Variants in FAM20B observed in about 807,000 individuals in gnomAD.
The protein encoded by FAM20B is glycosaminoglycan xylosylkinase.
Under a neutral mutation model 43.8 loss-of-function variants are expected in FAM20B, and 23 were observed. That is an observed-to-expected ratio of 0.53 (90% CI 0.38 to 0.74). The LOEUF (loss-of-function observed/expected upper bound fraction) is 0.74. Among genes scored for constraint, FAM20B ranks in the 30% least tolerant of loss-of-function variants. The probability of loss-of-function intolerance (pLI) is 0.00; values close to 1 mark genes in which losing one functional copy is unlikely to be tolerated. For missense variants in FAM20B, 440 were observed against 510.5 expected (o/e 0.86, Z 1.33); for synonymous variants, 178 against 192.4 (o/e 0.93, Z 0.62).
chr1:179,056,791 C>T (rs558617769), intron 4 of FAM20B, among the ~76,000 whole-genome samples: 1 of 152,214 alleles, frequency 6.6e-6, no homozygotes, highest in Non-Finnish European at 1.5e-5. Context: ...TCCTTGGCAG[C>T]ATTTGATGTT....
intron 2 of FAM20B, among the ~76,000 whole-genome samples, chr1:179,046,902 A>G (rs1186783751): frequency 3.9e-5 from 6 of 151,994 alleles, no homozygotes; most frequent in African/African-American, 1.5e-4. Context: ...AGGCTGAGGC[A>G]GGAGAATCGC....
upstream of FAM20B, among the ~76,000 whole-genome samples, chr1:179,021,559 A>G (rs968370807): frequency 3.9e-5 from 6 of 152,220 alleles, no homozygotes; most frequent in Non-Finnish European, 8.8e-5. Context: ...GGGTAGTTAA[A>G]CAAATTTCTA....
intron 3 of FAM20B, among the ~76,000 whole-genome samples, chr1:179,054,287 A>G (rs974734235): frequency 6.6e-6 from 1 of 152,154 alleles, no homozygotes; most frequent in Non-Finnish European, 1.5e-5. Context: ...CACTCTGTAG[A>G]TTTAAAAAGT....
intron 4 of FAM20B, among the ~76,000 whole-genome samples, chr1:179,063,611 AAAAC>A (rs946952739): frequency 5.3e-5 from 8 of 152,170 alleles, no homozygotes; most frequent in African/African-American, 1.2e-4. Flanking sequence ...CAACAAAAAC[AAAAC>A]AAACAAAAAG....
intron 3 of FAM20B, among the ~76,000 whole-genome samples, chr1:179,053,980 T>C (rs1651112202): frequency 6.6e-6 from 1 of 152,302 alleles, no homozygotes; most frequent in Non-Finnish European, 1.5e-5. Context: ...TTGGTGTATA[T>C]TTTTTAGCCA....
At position 179,074,185 on chromosome 1, in the gene FAM20B, A is replaced by G. The variant is rs1652045223; in HGVS notation, c.*2041A>G. On this transcript the variant is annotated 3_prime_UTR_variant, in exon 8 of 8. Coordinates refer to ENST00000263733, the MANE Select transcript of FAM20B (RefSeq NM_014864.4). ...TATACATTTTGAGATGAACAGAACA[A>G]TGGGCTGAGTTATAAAAAGCGTGTA... 6.6e-6 allele frequency: 1 copy of G among 152,558 alleles called. No individual in the cohort carries two copies. 9.5% of individuals were successfully genotyped at this position (152,558 alleles called of 1,614,324 possible). A position where few individuals can be genotyped will look rare whatever the true frequency, so the allele number is the denominator to read the frequency against.
At chr1:179,066,700 A>G in intron 6 of FAM20B, 100 bp from the exon 7 acceptor site, 1 of 797,852 alleles carries the variant, frequency 1.3e-6, no homozygotes, top group Non-Finnish European at 2.1e-6. Context: ...GAAATTATCT[A>G]GGATCACATT....
rs1651991117 is a variant in FAM20B, at chr1:179,072,975, T to C, written c.*831T>C. ...AAATACTATTACAATCTAAGCATGA[T>C]TCTCTGTGGAGACTAATTTTTTCCC... On this transcript the variant is annotated 3_prime_UTR_variant, in exon 8 of 8. Coordinates refer to ENST00000263733, the MANE Select transcript of FAM20B (RefSeq NM_014864.4). The C allele has an allele frequency of 6.6e-6, 1 of 152,252 alleles. No individual in the cohort carries two copies. The highest frequency in any genetic ancestry group is 6.5e-5 in the Admixed American group (1 of 15,288). The allele number at this position is 152,252 out of a possible 1,614,324, so 9.4% of individuals were successfully genotyped here.
intron 1 of FAM20B, among the ~76,000 whole-genome samples, chr1:179,041,252 G>T (rs1445216233): frequency 6.6e-6 from 1 of 152,262 alleles, no homozygotes; most frequent in East Asian, 1.9e-4. Context: ...CCCAGACGGG[G>T]TGGCGGCCGA....
intron 3 of FAM20B, among the ~76,000 whole-genome samples, chr1:179,051,070 C>T (rs534832209): frequency 1.2e-4 from 18 of 151,104 alleles, no homozygotes; most frequent in Non-Finnish European, 2.1e-4. Flanking sequence ...TGCAGTGAGC[C>T]GAGATCGTGC....
intron 1 of FAM20B, among the ~76,000 whole-genome samples, chr1:179,039,441 G>A (rs889764305): frequency 5.3e-5 from 8 of 152,152 alleles, no homozygotes; most frequent in Admixed American, 2.6e-4. Context: ...CATTCCAGAC[G>A]TAGTAGTGCT....
chr1:179,028,386 A>G (rs1649878431), intron 1 of FAM20B, among the ~76,000 whole-genome samples: 1 of 152,222 alleles, frequency 6.6e-6, no homozygotes, highest in Non-Finnish European at 1.5e-5. Context: ...GATTGAGACC[A>G]TCCTGGCCAA....
Position 179,028,184 on chromosome 1 carries a change from A to C in FAM20B, c.-134+2086A>C, listed in dbSNP as rs1035292296. The stretch of plus-strand genomic sequence containing the variant: ...TAAAGCCAGATACTTCAGCTGTTGA[A>C]TTGATAACTTTTTAAAATAGCTAAC... On this transcript the variant is annotated intron_variant, in intron 1 of 7. Transcript: ENST00000263733. Among the ~76,000 whole-genome samples the C allele has an allele frequency of 1.2e-4, 18 of 152,214 alleles. 1 individual carries two copies. Among genetic ancestry groups the C allele is most frequent in the African/African-American group, 4.3e-4 (18 of 41,442 alleles).
chr1:179,050,502 G>A (rs889121444), intron 3 of FAM20B, 137 bp downstream of exon 3: 1 of 611,802 alleles, frequency 1.6e-6, no homozygotes, highest in Admixed American at 2.9e-5. Flanking sequence ...TAATTGACTA[G>A]TTCCATTAAA....
At chr1:179,040,059 A>C (rs1378132000) in intron 1 of FAM20B, among the ~76,000 whole-genome samples, 7 of 152,252 alleles carry the variant, frequency 4.6e-5, no homozygotes, top group Non-Finnish European at 8.8e-5. Flanking sequence ...GCAAGGTCAC[A>C]GATCAACAGG....
chr1:179,038,108 C>T (rs538790730), intron 1 of FAM20B, among the ~76,000 whole-genome samples: 7 of 152,166 alleles, frequency 4.6e-5, no homozygotes, highest in Middle Eastern at 3.4e-3. Flanking sequence ...ATGAGCAATA[C>T]GATTAAAAGT....
Position 179,044,102 on chromosome 1 carries a change from G to A in FAM20B, c.255G>A (p.Gly85=). ...ACCCTGAAGAGACACCAGAGCTGGGGGCAGTCATGCATGCCATGGCCACCA... is the reference window on the plus strand; with the variant it reads ...ACCCTGAAGAGACACCAGAGCTGGGAGCAGTCATGCATGCCATGGCCACCA... ...EVYPEETPEL[G]AVMHAMATKK... The change falls in exon 2 of 8, where the codon GGG becomes GGA. Residue 85 remains glycine (G), a synonymous_variant. Transcript: ENST00000263733. 4 of 1,614,132 alleles carry A rather than the reference G, an allele frequency of 2.5e-6. No homozygotes were observed. The highest frequency in any genetic ancestry group is 1.1e-5 in the South Asian group (1 of 91,076).
chr1:179,053,972 GGT>G (rs1470789806), intron 3 of FAM20B, among the ~76,000 whole-genome samples: 3 of 151,970 alleles, frequency 2.0e-5, no homozygotes, highest in Non-Finnish European at 4.4e-5. Context: ...TTGTTCAGTT[GGT>G]GTATATTTTT....
At chr1:179,048,744 G>T (rs576320503) in intron 2 of FAM20B, among the ~76,000 whole-genome samples, 1 of 152,174 alleles carries the variant, frequency 6.6e-6, no homozygotes, top group South Asian at 2.1e-4. Context: ...TTACATTTGG[G>T]TATATTGACC....
Sources: allele counts gnomAD v4.1 joint callset (sites outside exome capture counted in the v4.1 genomes callset), GRCh38; gene constraint gnomAD v4.1.1; transcripts MANE v1.5; gene names NCBI Gene and HGNC (gene_info 2026-07-23, HGNC 2026-07-21).